Variants in CNTN1 observed in about 807,000 individuals in gnomAD.
The protein encoded by CNTN1 is contactin-1.
A neutral mutation model predicts 126.4 loss-of-function variants in CNTN1; 38 were observed. The ratio of observed to expected loss-of-function variants is 0.30; its 90% CI spans 0.23 to 0.39. The LOEUF is 0.39. Ranked by LOEUF, CNTN1 falls within the 10% of genes least tolerant of loss-of-function variation. The pLI is 1.00. For synonymous variants in CNTN1, 413 were observed against 422.6 expected (o/e 0.98, Z 0.28); for missense variants, 1,009 against 1,248.4 (o/e 0.81, Z 2.89).
At chr12:40,868,558 C>G (rs1033583297) in intron 1 of CNTN1, among the ~76,000 whole-genome samples, 2 of 152,118 alleles carry the variant, frequency 1.3e-5, no homozygotes, top group African/African-American at 4.8e-5. Flanking sequence ...TTACTCTTCA[C>G]TTCCACGGAC....
Position 40,782,683 on chromosome 12 carries a change from T to C in CNTN1, c.-77+90091T>C, listed in dbSNP as rs7978799. Among the ~76,000 whole-genome samples, 1,502 of 152,024 alleles carry C rather than the reference T, an allele frequency of 9.9e-3. 24 individuals are homozygous for C. Among genetic ancestry groups the C allele is most frequent in the African/African-American group, 0.034 (1,409 of 41,514 alleles). On this transcript the variant is annotated intron_variant, in intron 1 of 23. Coordinates refer to ENST00000551295, the MANE Select transcript of CNTN1 (RefSeq NM_001843.4). ...GATGGAGGTGTATGGACTTATTTTG[T>C]TGATAAGAGAAAGTGATTTTTCCAG...
At chr12:40,762,356 G>A (rs1437841083) in intron 1 of CNTN1, among the ~76,000 whole-genome samples, 1 of 150,080 alleles carries the variant, frequency 6.7e-6, no homozygotes, top group South Asian at 2.1e-4. Flanking sequence ...TTAACTGTGA[G>A]TAAAAATCAT....
rs1308423487 is a variant in CNTN1, at chr12:41,012,966, A to G, written c.2114-1262A>G. Among the ~76,000 whole-genome samples the G allele has an allele frequency of 2.0e-5, 3 of 152,100 alleles. No individual in the cohort carries two copies. In the East Asian group the frequency reaches 5.8e-4, roughly 29 times the overall value. On this transcript the variant is annotated intron_variant, in intron 17 of 23. Transcript: ENST00000551295. The stretch of plus-strand genomic sequence containing the variant: ...CATGGATACACACAAGGAGTTTAGG[A>G]GTGGAGATTTAATAGGCAGAAGAGA...
At chr12:41,047,474 G>A (rs1949570040) in intron 23 of CNTN1, among the ~76,000 whole-genome samples, 1 of 152,012 alleles carries the variant, frequency 6.6e-6, no homozygotes. Flanking sequence ...CTTGAAGGCT[G>A]CACCTGGTGG....
At chr12:40,784,095 G>A (rs1336489684) in intron 1 of CNTN1, among the ~76,000 whole-genome samples, 1 of 152,058 alleles carries the variant, frequency 6.6e-6, no homozygotes, top group Non-Finnish European at 1.5e-5. Context: ...CCCAAAGGGT[G>A]CTATTACTCA....
At chr12:40,959,622 T>A (rs1185206961) in intron 15 of CNTN1, among the ~76,000 whole-genome samples, 1 of 152,126 alleles carries the variant, frequency 6.6e-6, no homozygotes, top group Non-Finnish European at 1.5e-5. Context: ...CCTCAACTGT[T>A]ATATATTTAT....
At position 40,726,338 on chromosome 12, in the gene CNTN1, A is replaced by C. The variant is rs1270939417; in HGVS notation, c.-77+33746A>C. Among the ~76,000 whole-genome samples the C allele has an allele frequency of 2.6e-5, 4 of 152,368 alleles. No individual in the cohort carries two copies. In the East Asian group the frequency reaches 7.7e-4, roughly 29 times the overall value. ...TCACACTACTATGAAGAAGTACCAC[A>C]CACTGGGTAATTTATAAAGGAAAGA... On this transcript the variant is annotated intron_variant, in intron 1 of 23. Transcript: ENST00000551295.
chr12:40,786,941 C>T (rs1288621397), intron 1 of CNTN1, among the ~76,000 whole-genome samples: 1 of 152,098 alleles, frequency 6.6e-6, no homozygotes, highest in Admixed American at 6.6e-5. Context: ...CAGTTTAGCA[C>T]TTCTAATATC....
At chr12:40,971,725 C>G in intron 15 of CNTN1, 7 of 1,328,236 alleles carry the variant, frequency 5.3e-6, no homozygotes, top group Non-Finnish European at 6.7e-6. Context: ...TTAAAAATGC[C>G]TAGTGAACTA....
intron 1 of CNTN1, among the ~76,000 whole-genome samples, chr12:40,756,082 G>A (rs118109221): frequency 0.02 from 2,986 of 152,222 alleles, 45 homozygotes; most frequent in Admixed American, 0.034. Flanking sequence ...TTTAACTAGG[G>A]TTGGATCCAG....
At chr12:40,960,207 T>C (rs1000618894) in intron 15 of CNTN1, among the ~76,000 whole-genome samples, 7 of 152,058 alleles carry the variant, frequency 4.6e-5, no homozygotes, top group African/African-American at 1.4e-4. Flanking sequence ...CTCTCCTAAG[T>C]TGTAAAATTC....
chr12:41,030,636 GT>G (rs953068080), intron 23 of CNTN1, among the ~76,000 whole-genome samples: 16 of 151,984 alleles, frequency 1.1e-4, no homozygotes, highest in African/African-American at 3.4e-4. Flanking sequence ...ACTCATTAAA[GT>G]TTTTTTCTAT....
intron 3 of CNTN1, among the ~76,000 whole-genome samples, chr12:40,914,978 T>G (rs557723236): frequency 6.6e-6 from 1 of 152,250 alleles, no homozygotes; most frequent in Admixed American, 6.5e-5. Context: ...TATGTGACAT[T>G]CTATAATTTT....
chr12:40,774,501 A>G (rs1939498296), intron 1 of CNTN1, among the ~76,000 whole-genome samples: 1 of 151,752 alleles, frequency 6.6e-6, no homozygotes, highest in East Asian at 1.9e-4. Flanking sequence ...TATAGAAAAT[A>G]TATGTGATCT....
intron 17 of CNTN1, chr12:41,005,064 G>T (rs996473049): frequency 1.3e-5 from 2 of 152,208 alleles, no homozygotes; most frequent in African/African-American, 4.8e-5. Context: ...GTGGTGTCTG[G>T]TGCTGGTCTT....
chr12:40,948,775 T>G, intron 14 of CNTN1, among the ~76,000 whole-genome samples: 1 of 152,340 alleles, frequency 6.6e-6, no homozygotes, highest in South Asian at 2.1e-4. Flanking sequence ...TCTAATCTGG[T>G]TTAATGAACC....
intron 1 of CNTN1, among the ~76,000 whole-genome samples, chr12:40,735,115 T>C (rs908042907): frequency 6.6e-6 from 1 of 152,142 alleles, no homozygotes; most frequent in African/African-American, 2.4e-5. Context: ...ATTTTGTTCA[T>C]TCCTTAAAGA....
At chr12:40,892,955 T>TGGGGAG (rs1555174967) in intron 1 of CNTN1, among the ~76,000 whole-genome samples, 1 of 134,868 alleles carries the variant, frequency 7.4e-6, no homozygotes, top group African/African-American at 3.2e-5. Flanking sequence ...AAATGAAAAC[T>TGGGGAG]GGGGGGGGTG....
chr12:40,858,014 C>T lies in CNTN1; in HGVS notation c.-76-50343C>T, dbSNP rs756888153. On this transcript the variant is annotated intron_variant, in intron 1 of 23. Transcript: ENST00000551295. ...CATGGGCACAGCTTAGCTGGATCCT[C>T]GGTTCAGAATCTCACAAGGTTGAAG... Among the ~76,000 whole-genome samples the T allele has an allele frequency of 7.2e-4, 109 of 152,298 alleles. 1 individual carries two copies. The highest frequency in any genetic ancestry group is 4.1e-3 in the Admixed American group (63 of 15,288).
Sources: allele counts gnomAD v4.1 joint callset (sites outside exome capture counted in the v4.1 genomes callset), GRCh38; gene constraint gnomAD v4.1.1; transcripts MANE v1.5; gene names NCBI Gene and HGNC (gene_info 2026-07-23, HGNC 2026-07-21).